The following AHCTF1 variants were observed in gnomAD, a reference collection of about 807,000 sequenced individuals.
AHCTF1 encodes the protein AT-hook containing transcription factor 1.
In AHCTF1, 24 loss-of-function variants were observed where a neutral mutation model predicts 248.4. That is an observed-to-expected ratio of 0.10 (90% CI 0.07 to 0.14). The LOEUF is 0.14. Ranked by LOEUF, AHCTF1 falls within the 10% of genes least tolerant of loss-of-function variation. The probability of loss-of-function intolerance (pLI) is 1.00; values close to 1 mark genes in which losing one functional copy is unlikely to be tolerated. For synonymous variants in AHCTF1, 786 were observed against 929.8 expected (o/e 0.85, Z 2.81); for missense variants, 2,206 against 2,636.2 (o/e 0.84, Z 3.57).
At position 246,851,083 on chromosome 1, in the gene AHCTF1, C is replaced by T; in HGVS notation, c.4923G>A (p.Leu1641=). The T allele has an allele frequency of 1.9e-6, 3 of 1,613,854 alleles. No individual in the cohort carries two copies. Among genetic ancestry groups the T allele is most frequent in the South Asian group, 1.1e-5 (1 of 91,076 alleles). ...ENDNHGQIAN[L]PSAVTSDQKS... is the part of the protein sequence containing the mutation. The stretch of plus-strand genomic sequence containing the variant: ...TTTGGTCACTAGTTACGGCAGATGG[C>T]AAATTTGCAATTTGTCCATGATTAT... Residue 1641 remains leucine, a synonymous_variant, in exon 33 of 36, where the codon TTG becomes TTA. Coordinates refer to ENST00000648844, the MANE Select transcript of AHCTF1 (RefSeq NM_001323342.2).
chr1:246,862,016 A>G lies in AHCTF1; in HGVS notation c.3678T>C (p.Leu1226=). The change falls in exon 28 of 36, where the codon CTT becomes CTC. Residue 1226 remains leucine, a synonymous_variant. Transcript: ENST00000648844. ...SPSPGRSPQR[L]KETRISFVEE... ...CCACAAATGAAATTCTAGTTTCTTT[A>G]AGTCGTTGAGGAGACCTTCCAGGTG... 6.2e-7 allele frequency: 1 copy of G among 1,613,710 alleles called. No homozygotes were observed. Among genetic ancestry groups the G allele is most frequent in the East Asian group, 2.2e-5 (1 of 44,882 alleles).
At position 246,896,004 on chromosome 1, in the gene AHCTF1, T is replaced by A. The variant is rs1224378914; in HGVS notation, c.1624-79A>T. 3.3e-6 allele frequency: 4 copies of A among 1,197,796 alleles called. No individual in the cohort carries two copies. In the African/African-American group the frequency reaches 6.1e-5, roughly 18 times the overall value. 74.2% of individuals were successfully genotyped at this position (1,197,796 alleles called of 1,614,324 possible). On this transcript the variant is annotated intron_variant, in intron 12 of 35. Coordinates refer to ENST00000648844, the MANE Select transcript of AHCTF1 (RefSeq NM_001323342.2). ...CATAGGCAAGTTCTGGTTTAGAATT[T>A]AAAAATTTTAAGGCTAAAAAAATCA...
Position 246,902,651 on chromosome 1 carries a change from A to G in AHCTF1, c.991T>C (p.Tyr331His), listed in dbSNP as rs756300836. 6.2e-7 allele frequency: 1 copy of G among 1,613,068 alleles called. No homozygotes were observed. The highest frequency in any genetic ancestry group is 8.5e-7 in the Non-Finnish European group (1 of 1,179,578). ...ATGCCACCTGTCAGGTCCAGGGTGT[A>G]TCTTTCTTCACAGTATTCTAACCCC... ...YEGLEYCEER[Y>H]TLDLTGGMFP... The change falls in exon 8 of 36, where the codon TAC becomes CAC. Residue 331 changes from tyrosine (Y) to histidine (H), a missense_variant. By Grantham distance (83) the Tyr-to-His change is moderately conservative. Around this residue, in one of 6 missense-constraint regions of AHCTF1, gnomAD observed 650 missense variants for 870.8 expected, o/e 0.75. Coordinates refer to ENST00000648844, the MANE Select transcript of AHCTF1 (RefSeq NM_001323342.2).
At chr1:246,881,655 G>A (rs1433378553) in intron 21 of AHCTF1, among the ~76,000 whole-genome samples, 1 of 151,662 alleles carries the variant, frequency 6.6e-6, no homozygotes, top group African/African-American at 2.4e-5. Flanking sequence ...TGACCAACAT[G>A]GGTGAAACCC....
At chr1:246,914,445 TTCTC>T (rs1666009263) in intron 3 of AHCTF1, among the ~76,000 whole-genome samples, 1 of 152,220 alleles carries the variant, frequency 6.6e-6, no homozygotes, top group African/African-American at 2.4e-5. Flanking sequence ...GCCTGGCTCT[TTCTC>T]TATATCAGTA....
chr1:246,874,835 C>T (rs1463175133), intron 24 of AHCTF1, among the ~76,000 whole-genome samples: 3 of 152,120 alleles, frequency 2.0e-5, no homozygotes, highest in Admixed American at 2.0e-4. Context: ...AAAACCTGAC[C>T]TCCGGCTCTC....
rs41267535 is a variant in AHCTF1 at position 246,891,803 on chromosome 1, C to G, written c.1921G>C (p.Glu641Gln). 97 of 1,611,760 alleles carry G rather than the reference C, an allele frequency of 6.0e-5. No individual in the cohort carries two copies. The highest frequency in any genetic ancestry group is 8.2e-5 in the Non-Finnish European group (97 of 1,179,344). The change falls in exon 15 of 36, where the codon GAA becomes CAA. Residue 641 changes from glutamate to glutamine, a missense_variant. Transcript: ENST00000648844. The part of the protein sequence containing the change: ...LNIVLSCFAS[E>Q]AREITERGLI... ...CCTCTCTCAGTGATCTCTCGGGCTT[C>G]TGATGCAAAACAGCTCAAGACTATA...
intron 13 of AHCTF1, 104 bp from the exon 14 acceptor site, chr1:246,894,852 AC>A: frequency 1.1e-6 from 1 of 902,086 alleles, no homozygotes; most frequent in Non-Finnish European, 1.8e-6. Context: ...AACCGAGTGA[AC>A]ATCAACACTT....
chr1:246,868,958 C>G (rs940918739), intron 24 of AHCTF1, among the ~76,000 whole-genome samples: 5 of 151,028 alleles, frequency 3.3e-5, no homozygotes, highest in Non-Finnish European at 7.4e-5. Flanking sequence ...CATTCTCCTG[C>G]CTCAGCCTGC....
intron 24 of AHCTF1, among the ~76,000 whole-genome samples, chr1:246,869,018 C>CTG (rs1662311677): frequency 6.6e-6 from 1 of 151,140 alleles, no homozygotes; most frequent in Non-Finnish European, 1.5e-5. Flanking sequence ...CTAACTTTTT[C>CTG]TATTTTTAGT....
At chr1:246,926,456 TTAA>T (rs1246070014) in intron 1 of AHCTF1, among the ~76,000 whole-genome samples, 9 of 152,214 alleles carry the variant, frequency 5.9e-5, no homozygotes, top group African/African-American at 2.2e-4. Context: ...AAAAAAATGT[TTAA>T]TAAAGTTTTT....
At chr1:246,901,380 T>C (rs1164158415) in intron 8 of AHCTF1, among the ~76,000 whole-genome samples, 1 of 152,026 alleles carries the variant, frequency 6.6e-6, no homozygotes, top group African/African-American at 2.4e-5. Flanking sequence ...CTCACGCCTG[T>C]AATCCCAGCA....
chr1:246,866,069 T>C (rs1661957475), intron 26 of AHCTF1, among the ~76,000 whole-genome samples: 1 of 152,222 alleles, frequency 6.6e-6, no homozygotes, highest in African/African-American at 2.4e-5. Context: ...ACGGATGTTA[T>C]CTATTCTGCC....
intron 3 of AHCTF1, among the ~76,000 whole-genome samples, chr1:246,913,749 T>A (rs1300027551): frequency 6.6e-6 from 1 of 152,200 alleles, no homozygotes; most frequent in Non-Finnish European, 1.5e-5. Flanking sequence ...AAAGATGAAA[T>A]AACCTGAGGC....
chr1:246,930,579 A>C (rs943142426), intron 1 of AHCTF1, among the ~76,000 whole-genome samples: 1 of 146,138 alleles, frequency 6.8e-6, no homozygotes, highest in Admixed American at 6.9e-5. Context: ...CTCACAAAAA[A>C]ACAGTTTAAA....
At chr1:246,885,957 C>T (rs1351260266) in intron 20 of AHCTF1, among the ~76,000 whole-genome samples, 1 of 152,138 alleles carries the variant, frequency 6.6e-6, no homozygotes, top group Non-Finnish European at 1.5e-5. Flanking sequence ...GAGGCCAAGA[C>T]AAGCGGACTG....
chr1:246,881,535 T>C (rs1663409430), intron 21 of AHCTF1, among the ~76,000 whole-genome samples: 1 of 152,140 alleles, frequency 6.6e-6, no homozygotes, highest in African/African-American at 2.4e-5. Flanking sequence ...AAAAAATTTT[T>C]TTTAAATAGA....
chr1:246,850,103 G>A lies in AHCTF1; in HGVS notation c.5903C>T (p.Ser1968Phe), dbSNP rs773195156. The A allele has an allele frequency of 1.1e-5, 18 of 1,613,928 alleles. No individual in the cohort carries two copies. Among genetic ancestry groups the A allele is most frequent in the Non-Finnish European group, 1.5e-5 (18 of 1,179,864 alleles). ...QLTVQAEFDM[S>F]AIPRKRGRPR... Reference sequence around the variant, plus strand: ...TCTACCACGTTTTCTAGGTATGGCAGACATATCAAATTCTGCTTGAACAGT... The same window carrying A: ...TCTACCACGTTTTCTAGGTATGGCAAACATATCAAATTCTGCTTGAACAGT... The change falls in exon 33 of 36, where the codon TCT (serine) becomes TTT (phenylalanine). Residue 1968 changes from serine (S) to phenylalanine (F), a missense_variant. Physicochemically the swap from Ser to Phe is radical, Grantham distance 155. Transcript: ENST00000648844.
Position 246,894,762 on chromosome 1 carries a change from A to G in AHCTF1, c.1715-14T>C. The G allele has an allele frequency of 6.2e-7, 1 of 1,602,206 alleles. No individual in the cohort carries two copies. The highest frequency in any genetic ancestry group is 8.6e-7 in the Non-Finnish European group (1 of 1,169,518). ...AATTTGGTTGTTCTTATTTGTAAATACAAAAGGGAAAAAATAAAGATTATT... is the reference window on the plus strand; with the variant it reads ...AATTTGGTTGTTCTTATTTGTAAATGCAAAAGGGAAAAAATAAAGATTATT... On this transcript the variant is annotated splice_polypyrimidine_tract_variant and intron_variant, in intron 13 of 35. Transcript: ENST00000648844.
Sources: gnomAD v4.1 joint callset for allele counts (sites outside exome capture counted in the v4.1 genomes callset) on GRCh38, gnomAD v4.1.1 for gene constraint, gnomAD v4.1.1 regional missense constraint, MANE v1.5 for transcripts, NCBI Gene and HGNC (gene_info 2026-07-23, HGNC 2026-07-21) for gene names.